KCNH8: variants seen among roughly 807,000 people sequenced by gnomAD.
KCNH8 encodes the protein potassium voltage-gated channel subfamily H member 8, also known as voltage-gated delayed rectifier potassium channel KCNH8.
KCNH8 carries 70 observed loss-of-function variants against 103.6 expected under a neutral mutation model. That is an observed-to-expected ratio of 0.68 (90% confidence interval 0.56 to 0.82). KCNH8 has a LOEUF of 0.82. Among genes scored for constraint, KCNH8 ranks in the 40% least tolerant of loss-of-function variants. KCNH8 has a pLI of 0.00. For synonymous variants in KCNH8, 498 were observed against 489.4 expected (o/e 1.02, Z -0.23); for missense variants, 1,217 against 1,329.9 (o/e 0.92, Z 1.32).
chr3:19,325,444 A>G lies in KCNH8; in HGVS notation c.443-17143A>G, dbSNP rs1185004397. Among the ~76,000 whole-genome samples, 10 of 152,278 alleles carry G rather than the reference A, an allele frequency of 6.6e-5. No homozygotes were observed. In the South Asian group the frequency reaches 2.1e-3, roughly 32 times the overall value. ...AAAATTTTTTGCAAACTATGCATCT[A>G]ACAAAGGTCTAATATCCAGCATCTA... On this transcript the variant is annotated intron_variant, in intron 3 of 15. Transcript: ENST00000328405.
intron 3 of KCNH8, among the ~76,000 whole-genome samples, chr3:19,328,859 T>A (rs556451498): frequency 1.5e-4 from 23 of 152,296 alleles, no homozygotes; most frequent in African/African-American, 5.5e-4. Flanking sequence ...GGATACAATA[T>A]GCAGGGACTT....
chr3:19,346,638 T>C (rs182636499), intron 4 of KCNH8: 1 of 456,362 alleles, frequency 2.2e-6, no homozygotes, highest in Non-Finnish European at 4.4e-6. Context: ...TCTGAACCTT[T>C]CTTGAATCCT....
chr3:19,182,253 G>T (rs1242678106), intron 1 of KCNH8, among the ~76,000 whole-genome samples: 2 of 152,170 alleles, frequency 1.3e-5, no homozygotes, highest in Non-Finnish European at 2.9e-5. Context: ...GCTTGGCCGG[G>T]CGTGGTGGCT....
chr3:19,385,918 A>G (rs1002984610), intron 5 of KCNH8, among the ~76,000 whole-genome samples: 3 of 152,208 alleles, frequency 2.0e-5, no homozygotes, highest in Non-Finnish European at 4.4e-5. Flanking sequence ...AATTATTTGT[A>G]TGTGGTGCAT....
In KCNH8 at chr3:19,201,849, T is replaced by C. The variant is rs907361430; in HGVS notation, c.77-51805T>C. On this transcript the variant is annotated intron_variant, in intron 1 of 15. Coordinates refer to ENST00000328405, the MANE Select transcript of KCNH8 (RefSeq NM_144633.3). ...TCTTTAAATGTTTTATTAATACTTA[T>C]GTTATTACTCGGGAGATAAGTTGAT... Among the ~76,000 whole-genome samples the C allele has an allele frequency of 5.3e-5, 8 of 152,316 alleles. No homozygotes were observed. The East Asian group carries it at 1.5e-3, about 29-fold the overall frequency.
chr3:19,357,177 G>C (rs916788734), intron 5 of KCNH8, among the ~76,000 whole-genome samples: 10 of 148,158 alleles, frequency 6.7e-5, no homozygotes, highest in Non-Finnish European at 1.3e-4. Context: ...GGTGGGGAGA[G>C]GGGAGCTTCT....
At chr3:19,263,894 A>G (rs890807220) in intron 2 of KCNH8, among the ~76,000 whole-genome samples, 2 of 152,044 alleles carry the variant, frequency 1.3e-5, no homozygotes, top group African/African-American at 4.8e-5. Flanking sequence ...AGCTTATAAA[A>G]TTTGCAGTTT....
At chr3:19,292,442 T>C (rs1033716524) in intron 3 of KCNH8, among the ~76,000 whole-genome samples, 3 of 152,220 alleles carry the variant, frequency 2.0e-5, no homozygotes, top group African/African-American at 7.2e-5. Context: ...GTAAAAGTTT[T>C]GTGTTGCAGA....
At chr3:19,533,350 T>C (rs1380229355) in intron 15 of KCNH8, 45 bp from the exon 16 acceptor site, 2 of 1,227,340 alleles carry the variant, frequency 1.6e-6, no homozygotes, top group South Asian at 1.2e-5. Context: ...TGGTCACTAC[T>C]ATGCACCTCT....
chr3:19,314,213 T>A (rs1482244389), intron 3 of KCNH8, among the ~76,000 whole-genome samples: 2 of 151,972 alleles, frequency 1.3e-5, no homozygotes, highest in Non-Finnish European at 2.9e-5. Context: ...AATAGCAAAC[T>A]TTTTATGTAA....
At chr3:19,202,720 A>G (rs900688332) in intron 1 of KCNH8, among the ~76,000 whole-genome samples, 6 of 152,086 alleles carry the variant, frequency 3.9e-5, no homozygotes, top group Admixed American at 3.9e-4. Flanking sequence ...CTATAACTAT[A>G]TTGCATTGTT....
At chr3:19,468,481 A>G (rs17005993) in intron 11 of KCNH8, among the ~76,000 whole-genome samples, 2,682 of 152,348 alleles carry the variant, frequency 0.018, 43 homozygotes, top group South Asian at 0.036. Flanking sequence ...GAAAGAACAA[A>G]TTGAAAGAAC....
intron 5 of KCNH8, among the ~76,000 whole-genome samples, chr3:19,373,418 T>C (rs1214799613): frequency 6.6e-6 from 1 of 152,262 alleles, no homozygotes; most frequent in Non-Finnish European, 1.5e-5. Context: ...TGTAGTATTC[T>C]CTGGTGGTAG....
At chr3:19,449,012 G>T in intron 8 of KCNH8, 1 of 1,270,390 alleles carries the variant, frequency 7.9e-7, no homozygotes, top group Non-Finnish European at 1.0e-6. Context: ...CTAATGACTA[G>T]TGAGTGCAAA....
intron 7 of KCNH8, among the ~76,000 whole-genome samples, chr3:19,431,243 G>A (rs1398341269): frequency 2.6e-5 from 4 of 152,038 alleles, no homozygotes; most frequent in South Asian, 2.1e-4. Context: ...TGAGATAATC[G>A]TCTGGTTTTT....
chr3:19,348,734 G>A (rs973155247), intron 5 of KCNH8, among the ~76,000 whole-genome samples: 1 of 151,994 alleles, frequency 6.6e-6, no homozygotes, highest in Non-Finnish European at 1.5e-5. Flanking sequence ...CCTTGGTCAT[G>A]GTGATAGAGG....
chr3:19,342,092 T>C (rs979565967), intron 3 of KCNH8, among the ~76,000 whole-genome samples: 4 of 152,056 alleles, frequency 2.6e-5, no homozygotes, highest in Non-Finnish European at 5.9e-5. Context: ...ATTTAAAAAA[T>C]AGAGAACTAT....
At chr3:19,205,908 A>G (rs1404388926) in intron 1 of KCNH8, among the ~76,000 whole-genome samples, 1 of 151,746 alleles carries the variant, frequency 6.6e-6, no homozygotes, top group Admixed American at 6.6e-5. Context: ...TAGTGCACCC[A>G]TTACCTGAGC....
chr3:19,177,765 A>G (rs1298617527), intron 1 of KCNH8, among the ~76,000 whole-genome samples: 1 of 152,104 alleles, frequency 6.6e-6, no homozygotes, highest in Non-Finnish European at 1.5e-5. Context: ...CTGCTTAAAA[A>G]TTATTTGATA....
Sources: allele counts gnomAD v4.1 joint callset (sites outside exome capture counted in the v4.1 genomes callset), GRCh38; gene constraint gnomAD v4.1.1; transcripts MANE v1.5; gene names NCBI Gene and HGNC (gene_info 2026-07-23, HGNC 2026-07-21).